The following VWC2 variants were observed in gnomAD, a reference collection of about 807,000 sequenced individuals.
VWC2 encodes brorin.
In VWC2, 14 loss-of-function variants were observed where a neutral mutation model predicts 29.8. That is an observed-to-expected ratio of 0.47 (90% CI 0.31 to 0.74). The LOEUF (loss-of-function observed/expected upper bound fraction) is 0.74, where lower values mean the gene tolerates loss of function less well. VWC2 is among the 30% of genes least tolerant of loss of function. The pLI is 0.05. For missense variants in VWC2, 457 were observed against 459.8 expected (o/e 0.99, Z 0.05); for synonymous variants, 213 against 199.0 (o/e 1.07, Z -0.59).
intron 3 of VWC2, among the ~76,000 whole-genome samples, chr7:49,825,251 A>G (rs1789367361): frequency 6.6e-6 from 1 of 152,130 alleles, no homozygotes; most frequent in Admixed American, 6.6e-5. Context: ...ACTCATTAAG[A>G]CTCATTAAGA....
chr7:49,864,923 G>A (rs1252973032), intron 3 of VWC2, among the ~76,000 whole-genome samples: 3 of 152,134 alleles, frequency 2.0e-5, no homozygotes, highest in African/African-American at 4.8e-5. Context: ...TGTTTTCCAC[G>A]TTTCTAATGA....
At chr7:49,799,243 T>G (rs556085352) in intron 2 of VWC2, among the ~76,000 whole-genome samples, 1 of 152,268 alleles carries the variant, frequency 6.6e-6, no homozygotes, top group Admixed American at 6.5e-5. Context: ...GTTCATGGGT[T>G]AGGATTGGAA....
intron 3 of VWC2, among the ~76,000 whole-genome samples, chr7:49,901,878 T>TTTGCTAACACTGTTAGCTAACACTG (rs1792752816): frequency 6.6e-6 from 1 of 151,892 alleles, no homozygotes; most frequent in Admixed American, 6.6e-5. Flanking sequence ...ATGAACACTG[T>TTTGCTAACACTGTTAGCTAACACTG]TTGCTAACAC....
rs141141233 is a variant in VWC2, at chr7:49,838,456, C to T, written c.826+35616C>T. 3.4e-3 allele frequency among the ~76,000 whole-genome samples: 522 copies of T among 152,054 alleles called. 3 individuals carry two copies. The highest frequency in any genetic ancestry group is 6.8e-3 in the Admixed American group (104 of 15,268). On this transcript the variant is annotated intron_variant, in intron 3 of 3. Coordinates refer to ENST00000340652, the MANE Select transcript of VWC2 (RefSeq NM_198570.5). ...CAGGAGACAGTAGGATTGAAGCAGA[C>T]TCCGGTCTTTTGGGATCTTGTCAGT...
intron 3 of VWC2, among the ~76,000 whole-genome samples, chr7:49,826,559 A>G (rs1454559782): frequency 6.6e-6 from 1 of 152,182 alleles, no homozygotes; most frequent in African/African-American, 2.4e-5. Flanking sequence ...TGTCCTAAAA[A>G]ATTTCAGTAG....
chr7:49,903,688 A>T (rs568666547), intron 3 of VWC2, among the ~76,000 whole-genome samples: 84 of 152,186 alleles, frequency 5.5e-4, no homozygotes, highest in African/African-American at 2.0e-3. Flanking sequence ...AATAACATAG[A>T]CGTATATGCA....
chr7:49,845,389 C>G (rs1789914062), intron 3 of VWC2, among the ~76,000 whole-genome samples: 1 of 152,158 alleles, frequency 6.6e-6, no homozygotes, highest in Admixed American at 6.5e-5. Context: ...TAGATTTTCA[C>G]ACACAATCTA....
intron 3 of VWC2, among the ~76,000 whole-genome samples, chr7:49,843,584 T>C (rs1157573817): frequency 6.6e-6 from 1 of 152,226 alleles, no homozygotes; most frequent in South Asian, 2.1e-4. Flanking sequence ...TGAATGATTT[T>C]AGTTTTGTAT....
chr7:49,831,377 T>C (rs987355130), intron 3 of VWC2, among the ~76,000 whole-genome samples: 1 of 152,236 alleles, frequency 6.6e-6, no homozygotes, highest in Non-Finnish European at 1.5e-5. Context: ...CCATGCTCTC[T>C]GAACACTAGA....
At chr7:49,813,063 G>A (rs1319933424) in intron 3 of VWC2, among the ~76,000 whole-genome samples, 4 of 152,076 alleles carry the variant, frequency 2.6e-5, no homozygotes, top group East Asian at 3.8e-4. Context: ...CACATGTCCC[G>A]CTCTCCTGTT....
chr7:49,785,728 T>C (rs1239312412), intron 2 of VWC2, among the ~76,000 whole-genome samples: 1 of 152,152 alleles, frequency 6.6e-6, no homozygotes, highest in Non-Finnish European at 1.5e-5. Flanking sequence ...TATTTTTAAA[T>C]AAGAGAGAAA....
At position 49,868,835 on chromosome 7, in the gene VWC2, T is replaced by A. The variant is rs570682579; in HGVS notation, c.827-43199T>A. Among the ~76,000 whole-genome samples the A allele has an allele frequency of 3.2e-4, 49 of 152,272 alleles. 1 individual carries two copies. The South Asian group carries it at 9.7e-3, about 30-fold the overall frequency. ...GGTTTCACCATGTTGGCCAGGCTGG[T>A]CTTGAACTCCTAACCTCAAGTGATC... On this transcript the variant is annotated intron_variant, in intron 3 of 3. Coordinates refer to ENST00000340652, the MANE Select transcript of VWC2 (RefSeq NM_198570.5).
At chr7:49,897,979 C>A (rs1026025883) in intron 3 of VWC2, among the ~76,000 whole-genome samples, 1 of 152,138 alleles carries the variant, frequency 6.6e-6, no homozygotes, top group Admixed American at 6.5e-5. Context: ...CTTCTCAGTT[C>A]TCAGGAGAAA....
chr7:49,869,099 CT>C (rs1006429982), intron 3 of VWC2, among the ~76,000 whole-genome samples: 98 of 148,964 alleles, frequency 6.6e-4, no homozygotes, highest in South Asian at 1.7e-3. Flanking sequence ...TTTACACTTC[CT>C]TTTTTTTTTC....
chr7:49,877,365 G>A (rs1472070394), intron 3 of VWC2, among the ~76,000 whole-genome samples: 2 of 143,968 alleles, frequency 1.4e-5, no homozygotes, highest in African/African-American at 2.6e-5. Context: ...GGGAGGCTGA[G>A]ACAAGAGAAT....
At chr7:49,854,954 A>C (rs1790354891) in intron 3 of VWC2, among the ~76,000 whole-genome samples, 2 of 152,232 alleles carry the variant, frequency 1.3e-5, no homozygotes, top group South Asian at 4.1e-4. Context: ...AGAGGGGCTG[A>C]CAAATATGGC....
In VWC2 at chr7:49,836,219, A is replaced by AT. The variant is rs538472987; in HGVS notation, c.826+33386dup. Among the ~76,000 whole-genome samples the AT allele has an allele frequency of 6.0e-4, 92 of 152,222 alleles. 1 individual carries two copies. The highest frequency in any genetic ancestry group is 2.1e-3 in the African/African-American group (87 of 41,542). ...ATTCATATTTGTAAAACCAAACTGA[A>AT]TTTTTTTCTACTAACATGAACTAAG... On this transcript the variant is annotated intron_variant, in intron 3 of 3. Coordinates refer to ENST00000340652, the MANE Select transcript of VWC2 (RefSeq NM_198570.5).
At chr7:49,896,997 G>A (rs1211493798) in intron 3 of VWC2, among the ~76,000 whole-genome samples, 3 of 148,350 alleles carry the variant, frequency 2.0e-5, no homozygotes, top group East Asian at 2.0e-4. Context: ...CCGGGTTCAC[G>A]CCATTCTCCT....
In VWC2 at chr7:49,794,546, A is replaced by C. The variant is rs114661581; in HGVS notation, c.697-8165A>C. ...AGGTATGTATGGGTGCTGGGCCCAG[A>C]AGCTTGAGAAAGAAATATTGCATGT... On this transcript the variant is annotated intron_variant, in intron 2 of 3. Transcript: ENST00000340652. 8.1e-3 allele frequency among the ~76,000 whole-genome samples: 1,237 copies of C among 152,306 alleles called. 26 individuals carry two copies. Among genetic ancestry groups the C allele is most frequent in the African/African-American group, 0.029 (1,190 of 41,570 alleles).
Sources: gnomAD v4.1 joint callset for allele counts (sites outside exome capture counted in the v4.1 genomes callset) on GRCh38, gnomAD v4.1.1 for gene constraint, MANE v1.5 for transcripts, NCBI Gene and HGNC (gene_info 2026-07-23, HGNC 2026-07-21) for gene names.